The following PDE12 variants were observed in gnomAD, a reference collection of about 807,000 sequenced individuals.
PDE12 encodes the protein 2',5'-phosphodiesterase 12.
PDE12 carries 26 observed loss-of-function variants against 45.4 expected under a neutral mutation model. The observed-to-expected ratio is 0.57, with a 90% CI of 0.42 to 0.79. The LOEUF is 0.79. Ranked by LOEUF, PDE12 falls within the 30% of genes least tolerant of loss-of-function variation. PDE12 has a pLI of 0.00. For missense variants in PDE12, 668 were observed against 790.0 expected, an observed-to-expected ratio of 0.85 and a Z score of 1.85; for synonymous variants, 283 against 323.9, an observed-to-expected ratio of 0.87 and a Z score of 1.36.
the PDE12 span, among the ~76,000 whole-genome samples, chr3:57,592,810 A>G: frequency 6.6e-6 from 1 of 152,192 alleles, no homozygotes; most frequent in Non-Finnish European, 1.5e-5. Context: ...TGTTCAACCA[A>G]TAACCTGAGA....
the PDE12 span, among the ~76,000 whole-genome samples, chr3:57,642,879 G>T: frequency 2.6e-5 from 4 of 151,708 alleles, no homozygotes; most frequent in Non-Finnish European, 5.9e-5. Context: ...GGTGGCAGGC[G>T]CCTGTAATCC....
chr3:57,598,431 A>G, the PDE12 span, among the ~76,000 whole-genome samples: 1 of 152,164 alleles, frequency 6.6e-6, no homozygotes, highest in African/African-American at 2.4e-5. Context: ...TGGTAGCACT[A>G]CCTTATCTAC....
chr3:57,634,876 T>C, the PDE12 span: 2 of 915,172 alleles, frequency 2.2e-6, no homozygotes, highest in South Asian at 2.8e-5. Flanking sequence ...TATGTTATAA[T>C]GAAAGGATTC....
Position 57,563,619 on chromosome 3 carries a change from G to C in PDE12, c.*3615G>C, listed in dbSNP as rs1165193186. ...ACTATCTAGAGGGCCAGGCATAGTG[G>C]CTCTTGACTGTAATCACAACATTTT... On this transcript the variant is annotated 3_prime_UTR_variant, in exon 3 of 3. Coordinates refer to ENST00000311180, the MANE Select transcript of PDE12 (RefSeq NM_177966.7). The C allele has an allele frequency of 6.6e-6, 1 of 152,192 alleles. No individual in the cohort carries two copies. The highest frequency in any genetic ancestry group is 6.5e-5 in the Admixed American group (1 of 15,272). 9.4% of individuals were successfully genotyped at this position (152,192 alleles called of 1,614,324 possible). A position where few individuals can be genotyped will look rare whatever the true frequency, so the allele number is the denominator to read the frequency against.
chr3:57,648,468 C>G, the PDE12 span, among the ~76,000 whole-genome samples: 4 of 152,106 alleles, frequency 2.6e-5, no homozygotes, highest in Non-Finnish European at 5.9e-5. Flanking sequence ...TCAATGCCCT[C>G]CTTACACTGC....
the PDE12 span, among the ~76,000 whole-genome samples, chr3:57,602,751 A>G: frequency 6.6e-6 from 1 of 152,154 alleles, no homozygotes; most frequent in Admixed American, 6.5e-5. Flanking sequence ...TTGTAGTTTT[A>G]GTAGAGACGG....
chr3:57,579,807 C>T, the PDE12 span, among the ~76,000 whole-genome samples: 2 of 152,118 alleles, frequency 1.3e-5, no homozygotes, highest in African/African-American at 4.8e-5. Flanking sequence ...TTTAAATATC[C>T]TATCCTTTGA....
At chr3:57,607,382 C>T in the PDE12 span, among the ~76,000 whole-genome samples, 1 of 152,134 alleles carries the variant, frequency 6.6e-6, no homozygotes, top group African/African-American at 2.4e-5. Context: ...CAGAACAAAG[C>T]TGGATGGAGA....
the PDE12 span, among the ~76,000 whole-genome samples, chr3:57,653,195 G>A: frequency 2.6e-5 from 4 of 152,148 alleles, no homozygotes; most frequent in African/African-American, 9.6e-5. Flanking sequence ...AAATGAAAAA[G>A]GCCTACATGA....
At chr3:57,652,490 C>A in the PDE12 span, among the ~76,000 whole-genome samples, 1 of 152,158 alleles carries the variant, frequency 6.6e-6, no homozygotes. Flanking sequence ...CCAGAACTAC[C>A]CACCTAAGCA....
At chr3:57,590,338 T>C in the PDE12 span, among the ~76,000 whole-genome samples, 3 of 150,532 alleles carry the variant, frequency 2.0e-5, no homozygotes, top group Non-Finnish European at 4.4e-5. Flanking sequence ...ATACAAAAAT[T>C]AGCCGGGCGC....
the PDE12 span, chr3:57,597,224 C>G: frequency 5.2e-6 from 7 of 1,339,892 alleles, no homozygotes; most frequent in Non-Finnish European, 7.4e-6. Flanking sequence ...CCCAGGCAAA[C>G]TAAACGAGAG....
the PDE12 span, among the ~76,000 whole-genome samples, chr3:57,587,697 T>TA: frequency 9.2e-5 from 14 of 152,248 alleles, no homozygotes; most frequent in East Asian, 2.7e-3. Flanking sequence ...TTTACTTTTT[T>TA]AAAAAGGGAA....
At chr3:57,619,217 G>A in the PDE12 span, among the ~76,000 whole-genome samples, 3 of 151,874 alleles carry the variant, frequency 2.0e-5, no homozygotes, top group Non-Finnish European at 2.9e-5. Flanking sequence ...GTGTGGTGGC[G>A]GGTGCCTGTA....
the PDE12 span, among the ~76,000 whole-genome samples, chr3:57,579,236 AAG>A: frequency 1.1e-5 from 1 of 87,284 alleles, no homozygotes; most frequent in East Asian, 1.1e-3. Context: ...CCTGGGCGAC[AAG>A]AGCAAACTAC....
the PDE12 span, chr3:57,625,320 T>TC: frequency 6.6e-6 from 1 of 151,982 alleles, no homozygotes; most frequent in Admixed American, 6.6e-5. Context: ...GTACACAGGG[T>TC]TTTCATTTGA....
chr3:57,630,605 T>C, the PDE12 span: 1 of 1,521,348 alleles, frequency 6.6e-7, no homozygotes, highest in African/African-American at 1.4e-5. Context: ...CAGAGAACCA[T>C]GTCAAACTTT....
At chr3:57,646,522 C>G in the PDE12 span, 1 of 1,464,994 alleles carries the variant, frequency 6.8e-7, no homozygotes, top group Non-Finnish European at 9.1e-7. Flanking sequence ...CTAAAAACTC[C>G]ACATTGATAT....
Position 57,556,310 on chromosome 3 carries a change from T to G in PDE12, c.-70T>G, listed in dbSNP as rs1575770133. 11 of 1,444,874 alleles carry G rather than the reference T, an allele frequency of 7.6e-6. No individual in the cohort carries two copies. Among genetic ancestry groups the G allele is most frequent in the African/African-American group, 7.1e-5 (5 of 70,194 alleles). 89.5% of individuals were successfully genotyped at this position (1,444,874 alleles called of 1,614,324 possible). A position where few individuals can be genotyped will look rare whatever the true frequency, so the allele number is the denominator to read the frequency against. On this transcript the variant is annotated 5_prime_UTR_variant, in exon 1 of 3. Coordinates refer to ENST00000311180, the MANE Select transcript of PDE12 (RefSeq NM_177966.7). This position sits in a 1 kb window ranked among gnomAD's most constrained non-coding sequence, Gnocchi z 5.0. Reference sequence around the variant, plus strand: ...ATGAGTCAAAGCCGGCGGCCTCGGCTCCTCAGCTCCACCTGACAGTAGGCC... The same window carrying G: ...ATGAGTCAAAGCCGGCGGCCTCGGCGCCTCAGCTCCACCTGACAGTAGGCC...
Sources: allele counts gnomAD v4.1 joint callset (sites outside exome capture counted in the v4.1 genomes callset), GRCh38; gene constraint gnomAD v4.1.1; non-coding constraint Gnocchi (gnomAD v3.1); transcripts MANE v1.5; gene names NCBI Gene and HGNC (gene_info 2026-07-23, HGNC 2026-07-21).